CHD5: variants seen among roughly 807,000 people sequenced by gnomAD.
The protein encoded by CHD5 is chromodomain helicase DNA binding protein 5, also known as ATP-dependent chromatin remodeler CHD5.
In CHD5, 69 loss-of-function variants were observed where a neutral mutation model predicts 230.3. The observed-to-expected ratio is 0.30, with a 90% CI of 0.25 to 0.37. The LOEUF is 0.37. Ranked by LOEUF, CHD5 falls within the 10% of genes least tolerant of loss-of-function variation. CHD5 has a pLI of 1.00. For missense variants in CHD5, 1,827 were observed against 2,622.8 expected (o/e 0.70, Z 6.63); for synonymous variants, 1,064 against 1,065.9 (o/e 1.00, Z 0.03).
intron 15 of CHD5, among the ~76,000 whole-genome samples, chr1:6,138,924 C>T (rs1180841709): frequency 3.9e-5 from 6 of 152,214 alleles, no homozygotes; most frequent in Non-Finnish European, 8.8e-5. Flanking sequence ...GATGGGGGTT[C>T]TCCAGCCTTG....
Position 6,106,282 on chromosome 1 carries a change from A to G in CHD5, c.5863T>C (p.Ter1955GlnextTer15), listed in dbSNP as rs1201275951. 1 of 1,612,406 alleles carries G rather than the reference A, an allele frequency of 6.2e-7. No homozygotes were observed. The highest frequency in any genetic ancestry group is 2.2e-5 in the East Asian group (1 of 44,868). Residue 1955 changes from the stop codon to glutamine (Q), a stop_lost, in exon 41 of 42, where the codon TAG (stop) becomes CAG (glutamine). Transcript: ENST00000262450. ...MPLGPYVTDI[*>Q] Reference sequence around the variant, plus strand: ...ACACAGGGAAGTCTCGAGGACGGCTAGATATCTGTCAAAAAAAGAGGAGAG... The same window carrying G: ...ACACAGGGAAGTCTCGAGGACGGCTGGATATCTGTCAAAAAAAGAGGAGAG...
intron 15 of CHD5, among the ~76,000 whole-genome samples, chr1:6,137,074 G>A (rs1238208903): frequency 1.6e-5 from 2 of 124,222 alleles, no homozygotes; most frequent in African/African-American, 5.5e-5. Context: ...CCTGAGAGAG[G>A]GTGGTGTGGA....
Position 6,129,072 on chromosome 1 carries a change from G to A in CHD5, c.3388-3C>T. On this transcript the variant is annotated splice_polypyrimidine_tract_variant and splice_region_variant and intron_variant, in intron 22 of 41. Coordinates refer to ENST00000262450, the MANE Select transcript of CHD5 (RefSeq NM_015557.3). This position sits in a 1 kb window ranked among gnomAD's most constrained non-coding sequence, Gnocchi z 6.8. ...ATGCGGTGGGCGCGGCTGAAGGCCT[G>A]GGGAGACCTGCACCTCAGCACCCGT... 2 of 1,594,572 alleles carry A rather than the reference G, an allele frequency of 1.3e-6. No homozygotes were observed. The highest frequency in any genetic ancestry group is 1.3e-5 in the African/African-American group (1 of 74,766).
At chr1:6,169,184 G>A (rs975553782) in intron 1 of CHD5, among the ~76,000 whole-genome samples, 3 of 152,126 alleles carry the variant, frequency 2.0e-5, no homozygotes, top group African/African-American at 7.2e-5. Flanking sequence ...AGACCATATC[G>A]TATCTCCTCG....
Position 6,105,324 on chromosome 1 carries a change from G to A in CHD5, c.*150C>T, listed in dbSNP as rs1044120060. 3.9e-5 allele frequency: 18 copies of A among 458,768 alleles called. No homozygotes were observed. Among genetic ancestry groups the A allele is most frequent in the Middle Eastern group, 6.7e-4 (2 of 3,006 alleles). 28.4% of individuals were successfully genotyped at this position (458,768 alleles called of 1,614,324 possible). ...AGCTGGGCCTCGTCCTCCATGTGAT[G>A]GCATTACTAGGTTTCCCTTTTTGTC... On this transcript the variant is annotated 3_prime_UTR_variant, in exon 42 of 42. Coordinates refer to ENST00000262450, the MANE Select transcript of CHD5 (RefSeq NM_015557.3). The surrounding 1 kb of genome is among the most constrained non-coding windows in gnomAD (Gnocchi z 4.8).
intron 39 of CHD5, 38 bp from the exon 40 acceptor site, chr1:6,106,547 C>T (rs900092466): frequency 7.7e-6 from 12 of 1,549,694 alleles, no homozygotes; most frequent in Non-Finnish European, 9.6e-6. Context: ...TGGTCTCAGG[C>T]CCCCCACCCA....
Position 6,130,179 on chromosome 1 carries a change from G to T in CHD5, c.3387+25C>A. ...CCCGGGATGAGAGGCCCCCTGGGAGGGTGGTGGGCGGCAGCAGCACAGACC... is the reference window on the plus strand; with the variant it reads ...CCCGGGATGAGAGGCCCCCTGGGAGTGTGGTGGGCGGCAGCAGCACAGACC... On this transcript the variant is annotated intron_variant, in intron 22 of 41. Coordinates refer to ENST00000262450, the MANE Select transcript of CHD5 (RefSeq NM_015557.3). The surrounding 1 kb of genome is among the most constrained non-coding windows in gnomAD (Gnocchi z 4.9). 3 of 1,612,858 alleles carry T rather than the reference G, an allele frequency of 1.9e-6. No individual in the cohort carries two copies. The highest frequency in any genetic ancestry group is 2.5e-6 in the Non-Finnish European group (3 of 1,179,150).
intron 1 of CHD5, among the ~76,000 whole-genome samples, chr1:6,173,002 G>C (rs995722068): frequency 9.9e-5 from 15 of 152,088 alleles, no homozygotes; most frequent in African/African-American, 3.6e-4. Flanking sequence ...CAGGAGCTGG[G>C]ACGAGAACAC....
intron 2 of CHD5, among the ~76,000 whole-genome samples, chr1:6,165,697 G>A (rs115230150): frequency 0.014 from 2,154 of 152,146 alleles, 44 homozygotes; most frequent in African/African-American, 0.05. Context: ...CACAAAGACC[G>A]ACCTCTGGGG....
chr1:6,157,059 G>T (rs1351368137), intron 3 of CHD5, among the ~76,000 whole-genome samples: 1 of 152,222 alleles, frequency 6.6e-6, no homozygotes, highest in African/African-American at 2.4e-5. Context: ...TTGGAACAGG[G>T]TGTGTCAAAA....
In CHD5 at chr1:6,121,295, C is replaced by G. The variant is rs549593143; in HGVS notation, c.4780-58G>C. On this transcript the variant is annotated intron_variant, in intron 32 of 41. Transcript: ENST00000262450. The surrounding 1 kb of genome is among the most constrained non-coding windows in gnomAD (Gnocchi z 4.5). ...CTGGGGCCTCACCAGGAACGGAGGG[C>G]GGGGAACGTGCGCTGGGCTGGGAAC... The G allele has an allele frequency of 6.3e-7, 1 of 1,580,900 alleles. No individual in the cohort carries two copies. Among genetic ancestry groups the G allele is most frequent in the African/African-American group, 1.4e-5 (1 of 73,500 alleles).
In CHD5 at chr1:6,109,389, C is replaced by G. The variant is rs1666249091; in HGVS notation, c.5578+406G>C. 3.3e-5 allele frequency among the ~76,000 whole-genome samples: 5 copies of G among 152,204 alleles called. No homozygotes were observed. In the South Asian group the frequency reaches 1.0e-3, roughly 31 times the overall value. On this transcript the variant is annotated intron_variant, in intron 38 of 41. Coordinates refer to ENST00000262450, the MANE Select transcript of CHD5 (RefSeq NM_015557.3). ...GCAGCCAGCACCAAAGCTCTGAATC[C>G]TGGGAGATCTTGGGCAAACTACTTC...
chr1:6,175,309 G>A (rs1447639067), intron 1 of CHD5, among the ~76,000 whole-genome samples: 1 of 151,154 alleles, frequency 6.6e-6, no homozygotes, highest in African/African-American at 2.4e-5. Flanking sequence ...ATGAATGAAT[G>A]GATGGTGGAT....
At chr1:6,135,075 C>G (rs544506834) in intron 18 of CHD5, among the ~76,000 whole-genome samples, 155 bp downstream of exon 18, 1 of 152,308 alleles carries the variant, frequency 6.6e-6, no homozygotes. Flanking sequence ...GTCACTAAAA[C>G]CTGAGAAGAG....
rs1018123553 is a variant in CHD5 at position 6,121,369 on chromosome 1, T to C, written c.4779+125A>G. 1.2e-5 allele frequency: 18 copies of C among 1,506,244 alleles called. No homozygotes were observed. Among genetic ancestry groups the C allele is most frequent in the African/African-American group, 4.2e-5 (3 of 72,094 alleles). 93.3% of individuals were successfully genotyped at this position (1,506,244 alleles called of 1,614,324 possible). Reference sequence around the variant, plus strand: ...TGCTCCTAGCCTGCTCCCCGCCGATTCAGAGCCCCGAAAAGGGAGCCAGGA... The same window carrying C: ...TGCTCCTAGCCTGCTCCCCGCCGATCCAGAGCCCCGAAAAGGGAGCCAGGA... On this transcript the variant is annotated intron_variant, in intron 32 of 41. Transcript: ENST00000262450. The surrounding 1 kb of genome is among the most constrained non-coding windows in gnomAD (Gnocchi z 4.5).
intron 1 of CHD5, among the ~76,000 whole-genome samples, chr1:6,177,023 C>T (rs72632560): frequency 4.1e-4 from 62 of 152,348 alleles, no homozygotes; most frequent in Non-Finnish European, 7.1e-4. Flanking sequence ...CCCTCCCCAC[C>T]ATCACTGCAC....
rs1480429338 is a variant in CHD5, at chr1:6,130,167, G to A, written c.3387+37C>T. ...ACCTGCCTGAGGCCCGGGATGAGAG[G>A]CCCCCTGGGAGGGTGGTGGGCGGCA... On this transcript the variant is annotated intron_variant, in intron 22 of 41. Transcript: ENST00000262450. The surrounding 1 kb of genome is among the most constrained non-coding windows in gnomAD (Gnocchi z 4.9). 1.2e-6 allele frequency: 2 copies of A among 1,610,494 alleles called. No individual in the cohort carries two copies. The highest frequency in any genetic ancestry group is 8.5e-7 in the Non-Finnish European group (1 of 1,177,456).
At chr1:6,107,667 GGAT>G (rs1311887133) in intron 38 of CHD5, among the ~76,000 whole-genome samples, 86 of 142,100 alleles carry the variant, frequency 6.1e-4, no homozygotes, top group African/African-American at 2.2e-3. Context: ...AAAAATGAAG[GGAT>G]GATGGAGGGA....
chr1:6,142,188 C>T lies in CHD5; in HGVS notation c.2376G>A (p.Glu792=), dbSNP rs1371378324. 6.2e-7 allele frequency: 1 copy of T among 1,614,074 alleles called. No individual in the cohort carries two copies. The highest frequency in any genetic ancestry group is 8.5e-7 in the Non-Finnish European group (1 of 1,180,024). Reference sequence around the variant, plus strand: ...CGTTGTCCTCAAAGGAAAACTCGTTCTCCCGAATCACCGAGCGGCTCTCCT... The same window carrying T: ...CGTTGTCCTCAAAGGAAAACTCGTTTTCCCGAATCACCGAGCGGCTCTCCT... ...GDKESRSVIR[E]NEFSFEDNAI... The change falls in exon 15 of 42, where the codon GAG becomes GAA. Residue 792 remains glutamate (E), a synonymous_variant. Coordinates refer to ENST00000262450, the MANE Select transcript of CHD5 (RefSeq NM_015557.3). The surrounding 1 kb of genome is among the most constrained non-coding windows in gnomAD (Gnocchi z 5.2).
Sources: gnomAD v4.1 joint callset for allele counts (sites outside exome capture counted in the v4.1 genomes callset) on GRCh38, gnomAD v4.1.1 for gene constraint, Gnocchi (gnomAD v3.1) non-coding constraint, MANE v1.5 for transcripts, NCBI Gene and HGNC (gene_info 2026-07-23, HGNC 2026-07-21) for gene names.